The following A1CF variants were observed in gnomAD, a reference collection of about 807,000 sequenced individuals.
A1CF encodes APOBEC-1 stimulating protein.
A1CF carries 48 observed loss-of-function variants against 68.9 expected under a neutral mutation model. The ratio of observed to expected loss-of-function variants is 0.70; its 90% CI spans 0.55 to 0.89. The LOEUF (loss-of-function observed/expected upper bound fraction) is 0.89, where lower values mean the gene tolerates loss of function less well. Among genes scored for constraint, A1CF ranks in the 40% least tolerant of loss-of-function variants. A1CF has a pLI of 0.00. For missense variants in A1CF, 653 were observed against 718.9 expected (o/e 0.91, Z 1.05); for synonymous variants, 272 against 260.4 (o/e 1.04, Z -0.43).
At chr10:50,809,743 C>G (rs1838005946) in intron 12 of A1CF, 151 bp downstream of exon 12, 1 of 1,194,916 alleles carries the variant, frequency 8.4e-7, no homozygotes. Flanking sequence ...TAATGAGTCA[C>G]TCATTTGGGA....
In A1CF at chr10:50,814,885, A is replaced by G. The variant is rs76472011; in HGVS notation, c.1142-847T>C. ...TAAATGCATAATGTTGCAATGATATAATTTATTATCACATAGACAAGTTAC... is the reference window on the plus strand; with the variant it reads ...TAAATGCATAATGTTGCAATGATATGATTTATTATCACATAGACAAGTTAC... On this transcript the variant is annotated intron_variant, in intron 9 of 12. Transcript: ENST00000373997. 0.026 allele frequency among the ~76,000 whole-genome samples: 3,989 copies of G among 152,256 alleles called. 460 individuals are homozygous for G. The East Asian group carries it at 0.39, about 15-fold the overall frequency.
At chr10:50,833,539 T>G (rs1256140544) in intron 6 of A1CF, among the ~76,000 whole-genome samples, 1 of 152,200 alleles carries the variant, frequency 6.6e-6, no homozygotes, top group African/African-American at 2.4e-5. Context: ...TGAGGAGCAG[T>G]TACATCCCTT....
intron 2 of A1CF, among the ~76,000 whole-genome samples, chr10:50,863,145 G>A (rs2132541897): frequency 6.6e-6 from 1 of 152,290 alleles, no homozygotes; most frequent in African/African-American, 2.4e-5. Context: ...ATAGTGTCAA[G>A]TCATTGGGAA....
intron 12 of A1CF, among the ~76,000 whole-genome samples, chr10:50,808,054 A>G (rs1412545614): frequency 6.6e-6 from 1 of 152,246 alleles, no homozygotes; most frequent in East Asian, 1.9e-4. Context: ...ATGGTTTTGG[A>G]AACAGTATTT....
chr10:50,854,695 A>C (rs979508390), intron 3 of A1CF, among the ~76,000 whole-genome samples: 1 of 151,918 alleles, frequency 6.6e-6, no homozygotes, highest in African/African-American at 2.4e-5. Context: ...CAGGCACTGC[A>C]TTTTTATACT....
At chr10:50,823,990 A>G (rs1838797336) in intron 7 of A1CF, 1 of 152,130 alleles carries the variant, frequency 6.6e-6, no homozygotes, top group African/African-American at 2.4e-5. Context: ...TCCAAGATAA[A>G]CTAGTTAGCT....
rs752386842 is a variant in A1CF, at chr10:50,859,876, G to T, written c.65C>A (p.Ala22Glu). The T allele has an allele frequency of 6.2e-7, 1 of 1,614,000 alleles. No homozygotes were observed. The highest frequency in any genetic ancestry group is 8.5e-7 in the Non-Finnish European group (1 of 1,179,934). Residue 22 changes from alanine (A) to glutamate (E), a missense_variant, in exon 3 of 13, where the codon GCA (alanine) becomes GAA (glutamate). Ala to Glu is a moderately radical substitution (Grantham distance 107, BLOSUM62 -1). Coordinates refer to ENST00000373997, the MANE Select transcript of A1CF (RefSeq NM_014576.4). ...GCTATATCCTGTGCGCTGGACCAGT[G>T]CGCGGAGGGCTGCTTCCTTCTGAGT... is the stretch of plus-strand genomic sequence containing the variant. ...SGTQKEAALRALVQRTGYSLV... is the reference protein window; with the variant it reads ...SGTQKEAALRELVQRTGYSLV...
intron 3 of A1CF, among the ~76,000 whole-genome samples, chr10:50,845,526 A>G (rs915574140): frequency 6.6e-6 from 1 of 152,230 alleles, no homozygotes; most frequent in African/African-American, 2.4e-5. Context: ...TTAATTTGCC[A>G]AGGTCACATG....
At position 50,822,945 on chromosome 10, in the gene A1CF, C is replaced by T. The variant is rs564684680; in HGVS notation, c.770-2296G>A. ...TTCAGAGACTTCTTGGTATCATCTT[C>T]ACCTGGTTCCTGCCTACTGCCTTGG... On this transcript the variant is annotated intron_variant, in intron 7 of 12. Transcript: ENST00000373997. 3 of 152,260 alleles carry T rather than the reference C, an allele frequency of 2.0e-5. No homozygotes were observed. In the East Asian group the frequency reaches 5.8e-4, roughly 29 times the overall value. 9.4% of individuals were successfully genotyped at this position (152,260 alleles called of 1,614,324 possible).
chr10:50,826,998 A>G (rs1382127734), intron 7 of A1CF, among the ~76,000 whole-genome samples: 2 of 152,226 alleles, frequency 1.3e-5, no homozygotes, highest in Admixed American at 6.5e-5. Flanking sequence ...CTCTGATAAA[A>G]GAGACTTTAA....
chr10:50,885,546 T>C (rs934904490), intron 1 of A1CF, 35 bp downstream of exon 1: 14 of 152,068 alleles, frequency 9.2e-5, no homozygotes, highest in Admixed American at 7.9e-4. Flanking sequence ...TTTCACAGAG[T>C]TGAAATAGAA....
chr10:50,811,512 T>C (rs1469814783), intron 10 of A1CF, among the ~76,000 whole-genome samples: 3 of 152,204 alleles, frequency 2.0e-5, no homozygotes, highest in Non-Finnish European at 4.4e-5. Context: ...ACTGTGTGTA[T>C]AGATTTGTAT....
At chr10:50,881,463 C>T (rs1325531938) in intron 1 of A1CF, among the ~76,000 whole-genome samples, 2 of 152,110 alleles carry the variant, frequency 1.3e-5, no homozygotes, top group African/African-American at 4.8e-5. Flanking sequence ...AGAAACTAGG[C>T]ATACTGAATT....
intron 12 of A1CF, 55 bp downstream of exon 12, chr10:50,809,839 A>G: frequency 6.2e-7 from 1 of 1,602,284 alleles, no homozygotes. Context: ...GTACCAAAAA[A>G]GGGTTTCCCA....
intron 3 of A1CF, among the ~76,000 whole-genome samples, chr10:50,856,165 A>G (rs1458015828): frequency 6.6e-6 from 1 of 152,052 alleles, no homozygotes; most frequent in Non-Finnish European, 1.5e-5. Context: ...ATGGACAAAT[A>G]GTTGGGTATT....
Position 50,817,339 on chromosome 10 carries a change from C to T in A1CF, c.868-1060G>A, listed in dbSNP as rs930249943. Reference sequence around the variant, plus strand: ...TTCCCATTCACAGCAGCTGAGTGTGCACCCTTACCCTCTGATTTCAACAGT... The same window carrying T: ...TTCCCATTCACAGCAGCTGAGTGTGTACCCTTACCCTCTGATTTCAACAGT... On this transcript the variant is annotated intron_variant, in intron 8 of 12. Coordinates refer to ENST00000373997, the MANE Select transcript of A1CF (RefSeq NM_014576.4). 5.3e-5 allele frequency among the ~76,000 whole-genome samples: 8 copies of T among 152,170 alleles called. No homozygotes were observed. In the East Asian group the frequency reaches 1.5e-3, roughly 29 times the overall value.
chr10:50,872,527 T>C (rs1589046114), intron 1 of A1CF, among the ~76,000 whole-genome samples: 1 of 151,344 alleles, frequency 6.6e-6, no homozygotes, highest in Admixed American at 6.6e-5. Context: ...AGGCAGGGGG[T>C]GTGGAAATTA....
At chr10:50,836,721 A>G (rs1010617367) in intron 5 of A1CF, among the ~76,000 whole-genome samples, 2 of 119,104 alleles carry the variant, frequency 1.7e-5, no homozygotes, top group African/African-American at 6.7e-5. Context: ...CCTGGTGTGT[A>G]ATGTTCCCCT....
intron 12 of A1CF, among the ~76,000 whole-genome samples, 181 bp from the exon 13 acceptor site, chr10:50,807,061 T>C (rs1837867156): frequency 6.6e-6 from 1 of 152,206 alleles, no homozygotes; most frequent in South Asian, 2.1e-4. Flanking sequence ...TTCAATGATA[T>C]TTAAACAGTC....
Sources: allele counts gnomAD v4.1 joint callset (sites outside exome capture counted in the v4.1 genomes callset), GRCh38; gene constraint gnomAD v4.1.1; transcripts MANE v1.5; gene names NCBI Gene and HGNC (gene_info 2026-07-23, HGNC 2026-07-21).